The following UBE2E2 variants were observed in gnomAD, a reference collection of about 807,000 sequenced individuals.
UBE2E2 encodes the protein ubiquitin conjugating enzyme E2 E2, also known as ubiquitin-conjugating enzyme E2 E2.
In UBE2E2, 6 loss-of-function variants were observed where a neutral mutation model predicts 24.7. The ratio of observed to expected loss-of-function variants is 0.24; its 90% CI spans 0.13 to 0.48. The LOEUF (loss-of-function observed/expected upper bound fraction) is 0.48. Among genes scored for constraint, UBE2E2 ranks in the 20% least tolerant of loss-of-function variants. UBE2E2 has a pLI of 0.99. For synonymous variants in UBE2E2, 104 were observed against 83.6 expected, an observed-to-expected ratio of 1.24 and a Z score of -1.33; for missense variants, 169 against 245.0, an observed-to-expected ratio of 0.69 and a Z score of 2.07.
At chr3:23,434,048 T>C (rs1016617120) in intron 3 of UBE2E2, among the ~76,000 whole-genome samples, 1 of 152,086 alleles carries the variant, frequency 6.6e-6, no homozygotes, top group African/African-American at 2.4e-5. Context: ...GCAGCTAATA[T>C]GCACTGTCTG....
At chr3:23,582,290 TTATC>T (rs1471078795) in intron 5 of UBE2E2, among the ~76,000 whole-genome samples, 6 of 152,204 alleles carry the variant, frequency 3.9e-5, no homozygotes, top group South Asian at 2.1e-4. Context: ...GTTTTTTTCT[TTATC>T]TAGATAGTCT....
chr3:23,221,758 TC>T lies in UBE2E2; in HGVS notation c.227+4449del, dbSNP rs35360888. 6.0e-3 allele frequency among the ~76,000 whole-genome samples: 921 copies of T among 152,300 alleles called. 5 individuals are homozygous for T. Among genetic ancestry groups the T allele is most frequent in the Non-Finnish European group, 0.01 (714 of 68,010 alleles). ...TTCAAGCGATTCTCCTGGGTCAGCT[TC>T]CCGAGTAGCTGGAATTACAGGCGTG... On this transcript the variant is annotated intron_variant, in intron 3 of 5. Transcript: ENST00000396703.
intron 3 of UBE2E2, among the ~76,000 whole-genome samples, chr3:23,307,910 T>A (rs1699280338): frequency 6.6e-6 from 1 of 152,144 alleles, no homozygotes; most frequent in African/African-American, 2.4e-5. Context: ...TAAAGATTTA[T>A]AGGAGGACAA....
At chr3:23,212,548 G>A (rs1696358540) in intron 2 of UBE2E2, among the ~76,000 whole-genome samples, 1 of 152,044 alleles carries the variant, frequency 6.6e-6, no homozygotes, top group Non-Finnish European at 1.5e-5. Context: ...TGTTTAGAGT[G>A]GACATGGTGA....
intron 3 of UBE2E2, among the ~76,000 whole-genome samples, chr3:23,270,289 A>G (rs1377004793): frequency 6.6e-6 from 1 of 150,748 alleles, no homozygotes; most frequent in Non-Finnish European, 1.5e-5. Context: ...CTCCTAGTCT[A>G]CTGTTCTGTG....
At chr3:23,408,142 C>T (rs1449307618) in intron 3 of UBE2E2, among the ~76,000 whole-genome samples, 3 of 152,018 alleles carry the variant, frequency 2.0e-5, no homozygotes, top group Non-Finnish European at 2.9e-5. Flanking sequence ...AAGCCAAAGC[C>T]ATTTAGATAT....
intron 3 of UBE2E2, among the ~76,000 whole-genome samples, chr3:23,273,168 A>G (rs961066035): frequency 6.6e-6 from 1 of 152,212 alleles, no homozygotes; most frequent in Non-Finnish European, 1.5e-5. Context: ...CACTTCTAAA[A>G]CAATTTTATA....
chr3:23,256,553 T>A (rs1243722141), intron 3 of UBE2E2, among the ~76,000 whole-genome samples: 17 of 152,214 alleles, frequency 1.1e-4, no homozygotes, highest in Admixed American at 1.1e-3. Context: ...AGTTATAAAT[T>A]TTAAAAAGCA....
chr3:23,452,226 C>T (rs984294348), intron 3 of UBE2E2, among the ~76,000 whole-genome samples: 4 of 152,092 alleles, frequency 2.6e-5, no homozygotes, highest in Non-Finnish European at 5.9e-5. Flanking sequence ...TTCAACAGCA[C>T]GATATATCTA....
intron 3 of UBE2E2, among the ~76,000 whole-genome samples, chr3:23,300,418 G>GTA (rs1270152069): frequency 6.6e-6 from 1 of 152,128 alleles, no homozygotes; most frequent in African/African-American, 2.4e-5. Flanking sequence ...GCAGTGGCTG[G>GTA]TACCGGTTGT....
intron 3 of UBE2E2, among the ~76,000 whole-genome samples, chr3:23,488,200 C>CTTTTTTTTTTTTT (rs11352255): frequency 7.1e-6 from 1 of 140,222 alleles, no homozygotes. Context: ...GATTACATTT[C>CTTTTTTTTTTTTT]TTTTTTTTTT....
chr3:23,339,382 G>T (rs1022637066), intron 3 of UBE2E2, among the ~76,000 whole-genome samples: 9 of 152,064 alleles, frequency 5.9e-5, no homozygotes, highest in African/African-American at 1.9e-4. Context: ...AACAAAATTT[G>T]AATAAGGTTT....
chr3:23,458,302 C>G (rs1451491489), intron 3 of UBE2E2, among the ~76,000 whole-genome samples: 1 of 148,302 alleles, frequency 6.7e-6, no homozygotes, highest in Non-Finnish European at 1.5e-5. Flanking sequence ...CAACATGTAT[C>G]GAGAGTTTGC....
chr3:23,317,532 A>T (rs1211131722), intron 3 of UBE2E2, among the ~76,000 whole-genome samples: 1 of 152,182 alleles, frequency 6.6e-6, no homozygotes, highest in Admixed American at 6.5e-5. Context: ...TTTATACAGG[A>T]TAAAGGGTTA....
At chr3:23,305,668 G>T (rs1699219485) in intron 3 of UBE2E2, among the ~76,000 whole-genome samples, 3 of 152,166 alleles carry the variant, frequency 2.0e-5, no homozygotes, top group Admixed American at 2.0e-4. Context: ...TATAAGCCTT[G>T]CAGAGGACAG....
At chr3:23,553,644 TG>T (rs1450191859) in intron 5 of UBE2E2, among the ~76,000 whole-genome samples, 1 of 152,130 alleles carries the variant, frequency 6.6e-6, no homozygotes, top group Non-Finnish European at 1.5e-5. Flanking sequence ...TTTGTAGACA[TG>T]AGGAGGCTTT....
intron 2 of UBE2E2, among the ~76,000 whole-genome samples, chr3:23,216,323 A>T (rs1162148241): frequency 1.3e-5 from 2 of 152,106 alleles, no homozygotes; most frequent in Non-Finnish European, 2.9e-5. Flanking sequence ...AAGAAGTAGA[A>T]TGAAATTGTT....
chr3:23,427,846 G>A (rs1418418598), intron 3 of UBE2E2, among the ~76,000 whole-genome samples: 5 of 152,178 alleles, frequency 3.3e-5, no homozygotes, highest in African/African-American at 4.8e-5. Flanking sequence ...AATGGTAAAC[G>A]GGTCAATACT....
chr3:23,486,971 T>G (rs1254101355), intron 3 of UBE2E2, among the ~76,000 whole-genome samples: 3 of 152,170 alleles, frequency 2.0e-5, no homozygotes, highest in Non-Finnish European at 4.4e-5. Context: ...ACCTCCCACA[T>G]AGGCACCTGT....
Sources: allele counts gnomAD v4.1 joint callset (sites outside exome capture counted in the v4.1 genomes callset), GRCh38; gene constraint gnomAD v4.1.1; transcripts MANE v1.5; gene names NCBI Gene and HGNC (gene_info 2026-07-23, HGNC 2026-07-21).